RGS7: variants seen among roughly 807,000 people sequenced by gnomAD.
RGS7 encodes regulator of G protein signaling 7.
RGS7 carries 27 observed loss-of-function variants against 81.1 expected under a neutral mutation model. The ratio of observed to expected loss-of-function variants is 0.33; its 90% CI spans 0.25 to 0.46. RGS7 has a LOEUF of 0.46. Among genes scored for constraint, RGS7 ranks in the 20% least tolerant of loss-of-function variants. The pLI, the probability that RGS7 is intolerant of heterozygous loss-of-function variation, is 1.00. For missense variants in RGS7, 396 were observed against 607.4 expected, an observed-to-expected ratio of 0.65 and a Z score of 3.66; for synonymous variants, 208 against 207.7, an observed-to-expected ratio of 1.00 and a Z score of -0.01.
chr1:240,883,846 C>A (rs969617424), intron 6 of RGS7, among the ~76,000 whole-genome samples: 1 of 152,124 alleles, frequency 6.6e-6, no homozygotes, highest in East Asian at 1.9e-4. Flanking sequence ...GAGGCTGAGG[C>A]GGGTGGATCA....
At chr1:240,793,607 A>ATTT (rs1461920030) in intron 18 of RGS7, among the ~76,000 whole-genome samples, 7 of 33,866 alleles carry the variant, frequency 2.1e-4, no homozygotes, top group African/African-American at 7.9e-4. Flanking sequence ...ATATATATAT[A>ATTT]TATATTTTTT....
chr1:241,319,070 C>T (rs183868348), intron 2 of RGS7, among the ~76,000 whole-genome samples: 7 of 152,282 alleles, frequency 4.6e-5, no homozygotes, highest in Admixed American at 4.6e-4. Context: ...ACAACCTAAG[C>T]TCAACTTGAA....
At chr1:240,939,810 C>A (rs1400427526) in intron 4 of RGS7, among the ~76,000 whole-genome samples, 1 of 152,046 alleles carries the variant, frequency 6.6e-6, no homozygotes, top group African/African-American at 2.4e-5. Context: ...GTGGCTCATG[C>A]CTGTAATCCC....
intron 10 of RGS7, among the ~76,000 whole-genome samples, chr1:240,818,104 G>A (rs1262064036): frequency 6.6e-6 from 1 of 151,968 alleles, no homozygotes; most frequent in Non-Finnish European, 1.5e-5. Context: ...CAAACAAGAG[G>A]CAGGAAATGG....
At chr1:240,786,930 T>C (rs1303931591) in intron 18 of RGS7, among the ~76,000 whole-genome samples, 1 of 139,764 alleles carries the variant, frequency 7.2e-6, no homozygotes, top group East Asian at 1.9e-4. Flanking sequence ...AACACCTGGG[T>C]TTTTTTTAGG....
In RGS7 at chr1:241,182,381, C is replaced by T. The variant is rs117785277; in HGVS notation, c.79-83619G>A. Among the ~76,000 whole-genome samples, 176 of 152,300 alleles carry T rather than the reference C, an allele frequency of 1.2e-3. 2 individuals carry two copies. In the East Asian group the frequency reaches 0.028, roughly 24 times the overall value. On this transcript the variant is annotated intron_variant, in intron 2 of 18. Transcript: ENST00000440928. ...CTCTAAAAATGGAGACAGTATGCAC[C>T]TCACCAGGCAACTGAGAGAATTGAA... is the stretch of plus-strand genomic sequence containing the variant.
chr1:241,214,511 T>C (rs1573168005), intron 2 of RGS7, among the ~76,000 whole-genome samples: 1 of 152,156 alleles, frequency 6.6e-6, no homozygotes, highest in South Asian at 2.1e-4. Context: ...CTTTATTGAC[T>C]GAGATTCTTG....
chr1:241,188,619 T>C (rs2072335748), intron 2 of RGS7, among the ~76,000 whole-genome samples: 1 of 152,138 alleles, frequency 6.6e-6, no homozygotes, highest in African/African-American at 2.4e-5. Context: ...AAAAAATGCT[T>C]GAGATTATAA....
Position 240,782,883 on chromosome 1 carries a change from G to T in RGS7, c.*7-6670C>A, listed in dbSNP as rs185039436. On this transcript the variant is annotated intron_variant, in intron 18 of 18. Transcript: ENST00000440928. ...CCCAATGATTACATATGTGTTATGT[G>T]ATTTAAACTCTTCCTGTCAGATTCT... 1.4e-4 allele frequency among the ~76,000 whole-genome samples: 22 copies of T among 152,294 alleles called. 1 individual carries two copies. In the East Asian group the frequency reaches 4.2e-3, roughly 29 times the overall value.
At chr1:240,912,012 G>C (rs1245525989) in intron 6 of RGS7, among the ~76,000 whole-genome samples, 1 of 151,066 alleles carries the variant, frequency 6.6e-6, no homozygotes, top group South Asian at 2.1e-4. Context: ...TTAGCCAGGC[G>C]AAGTGGCAGG....
chr1:241,352,457 A>G (rs1419032121), intron 2 of RGS7, among the ~76,000 whole-genome samples: 1 of 152,254 alleles, frequency 6.6e-6, no homozygotes, highest in Non-Finnish European at 1.5e-5. Flanking sequence ...TGAAAAAGAC[A>G]GCACTCTAAA....
chr1:240,841,226 T>A (rs755892405), intron 9 of RGS7, among the ~76,000 whole-genome samples: 1 of 152,198 alleles, frequency 6.6e-6, no homozygotes, highest in Non-Finnish European at 1.5e-5. Flanking sequence ...AGGAAGACAC[T>A]GGGAACTTAC....
At chr1:240,857,198 T>A (rs1473164027) in intron 9 of RGS7, among the ~76,000 whole-genome samples, 1 of 152,060 alleles carries the variant, frequency 6.6e-6, no homozygotes, top group African/African-American at 2.4e-5. Context: ...TGTAAAAAAG[T>A]TATATCTCTA....
chr1:241,245,754 C>G (rs932333922), intron 2 of RGS7, among the ~76,000 whole-genome samples: 7 of 151,750 alleles, frequency 4.6e-5, no homozygotes, highest in Admixed American at 2.0e-4. Context: ...TTGCGGTAAG[C>G]TGAGATGGTG....
At chr1:241,223,682 T>A (rs1330029595) in intron 2 of RGS7, among the ~76,000 whole-genome samples, 4 of 151,226 alleles carry the variant, frequency 2.6e-5, no homozygotes, top group African/African-American at 4.9e-5. Flanking sequence ...GTCCAGAGGG[T>A]TAAATCAGGA....
chr1:240,993,057 G>A (rs866451949), intron 3 of RGS7, among the ~76,000 whole-genome samples: 6 of 127,354 alleles, frequency 4.7e-5, no homozygotes, highest in East Asian at 2.7e-4. Context: ...GAGGGAGAGC[G>A]AGAGGAGGAA....
In RGS7 at chr1:241,340,963, G is replaced by A. The variant is rs140363366; in HGVS notation, c.78+14736C>T. ...TCCTCTTACAGGATGGGACTGCCAGGGAAATCTCTGAAACGGGAGGCACCA... is the reference window on the plus strand; with the variant it reads ...TCCTCTTACAGGATGGGACTGCCAGAGAAATCTCTGAAACGGGAGGCACCA... On this transcript the variant is annotated intron_variant, in intron 2 of 18. Coordinates refer to ENST00000440928, the MANE Select transcript of RGS7 (RefSeq NM_001364886.1). Among the ~76,000 whole-genome samples the A allele has an allele frequency of 1.8e-4, 28 of 152,282 alleles. 1 individual carries two copies. The East Asian group carries it at 3.9e-3, about 21-fold the overall frequency.
intron 2 of RGS7, among the ~76,000 whole-genome samples, chr1:241,302,576 C>T (rs969541109): frequency 2.0e-5 from 3 of 152,030 alleles, no homozygotes; most frequent in Admixed American, 1.3e-4. Context: ...AAACAAAAAA[C>T]TTTGGCTTCT....
intron 3 of RGS7, among the ~76,000 whole-genome samples, chr1:240,990,738 T>C (rs1325093426): frequency 5.3e-5 from 8 of 152,206 alleles, no homozygotes; most frequent in Admixed American, 4.6e-4. Context: ...CAATATTCCA[T>C]AGCTAATAAC....
Sources: gnomAD v4.1 joint callset for allele counts (sites outside exome capture counted in the v4.1 genomes callset) on GRCh38, gnomAD v4.1.1 for gene constraint, MANE v1.5 for transcripts, NCBI Gene and HGNC (gene_info 2026-07-23, HGNC 2026-07-21) for gene names.